Variants in RIMS2 observed in about 807,000 individuals in gnomAD.
RIMS2 encodes the protein regulating synaptic membrane exocytosis 2.
In RIMS2, 59 loss-of-function variants were observed where a neutral mutation model predicts 174.4. That is an observed-to-expected ratio of 0.34 (90% CI 0.27 to 0.42). The LOEUF is 0.42. Among genes scored for constraint, RIMS2 ranks in the 10% least tolerant of loss-of-function variants. RIMS2 has a pLI of 1.00. For missense variants in RIMS2, 1,620 were observed against 1,666.3 expected (o/e 0.97, Z 0.48); for synonymous variants, 606 against 572.5 (o/e 1.06, Z -0.84).
At chr8:103,886,290 T>G in intron 4 of RIMS2, 67 bp downstream of exon 7, 1 of 1,355,692 alleles carries the variant, frequency 7.4e-7, no homozygotes, top group Admixed American at 2.3e-5. Flanking sequence ...TAGATTGCAT[T>G]TCTGAGTGAA....
intron 1 of RIMS2, among the ~76,000 whole-genome samples, chr8:103,532,112 AG>A (rs1255550703): frequency 6.6e-6 from 1 of 152,198 alleles, no homozygotes; most frequent in Non-Finnish European, 1.5e-5. Context: ...TGAAGGAAAT[AG>A]CTTTGTTATG....
chr8:104,157,906 T>G (rs2098734404), intron 19 of RIMS2, among the ~76,000 whole-genome samples: 1 of 152,236 alleles, frequency 6.6e-6, no homozygotes, highest in South Asian at 2.1e-4. Flanking sequence ...ACTGGTTTTC[T>G]AATTATTGTT....
At chr8:104,106,149 G>A (rs561454206) in intron 19 of RIMS2, among the ~76,000 whole-genome samples, 1 of 150,312 alleles carries the variant, frequency 6.7e-6, no homozygotes. Flanking sequence ...ACCCAGACTT[G>A]TCTTGAACTC....
chr8:103,985,338 G>A (rs559882679), intron 16 of RIMS2, among the ~76,000 whole-genome samples: 2 of 151,776 alleles, frequency 1.3e-5, no homozygotes, highest in East Asian at 1.9e-4. Flanking sequence ...GCCGAGCATG[G>A]TGGTGCGCGC....
chr8:103,869,918 G>T (rs1482049486), intron 3 of RIMS2, among the ~76,000 whole-genome samples: 2 of 152,134 alleles, frequency 1.3e-5, no homozygotes, highest in African/African-American at 2.4e-5. Context: ...TAGGGGAGGG[G>T]AATGTTTGGT....
At chr8:103,637,488 A>G (rs1478925634) in intron 1 of RIMS2, among the ~76,000 whole-genome samples, 2 of 152,258 alleles carry the variant, frequency 1.3e-5, no homozygotes, top group East Asian at 1.9e-4. Context: ...CTTGTGAAAG[A>G]TAAGTATTAC....
intron 19 of RIMS2, among the ~76,000 whole-genome samples, chr8:104,138,568 T>A (rs2098540934): frequency 1.3e-5 from 2 of 152,208 alleles, no homozygotes. Context: ...CATTTGTATG[T>A]CTTCTTTTGA....
In RIMS2 at chr8:103,952,590, G is replaced by C. The variant is rs185567992; in HGVS notation, c.2702-8475G>C. 2.0e-3 allele frequency among the ~76,000 whole-genome samples: 304 copies of C among 152,212 alleles called. 1 individual carries two copies. Among genetic ancestry groups the C allele is most frequent in the Non-Finnish European group, 2.1e-3 (146 of 67,996 alleles). On this transcript the variant is annotated intron_variant, in intron 14 of 23. Coordinates refer to ENST00000504942, the Ensembl canonical transcript of RIMS2. ...CATCAACAAAAAGGACGTCCACTCA[G>C]AGACCCCATCTGAAGGTCACTGACT...
At chr8:103,967,251 T>C (rs1289013013) in intron 15 of RIMS2, among the ~76,000 whole-genome samples, 3 of 145,536 alleles carry the variant, frequency 2.1e-5, no homozygotes, top group Non-Finnish European at 4.5e-5. Flanking sequence ...CAGTGCGATC[T>C]TGGCTCACTG....
intron 3 of RIMS2, among the ~76,000 whole-genome samples, chr8:103,842,671 T>C (rs1258126665): frequency 6.6e-6 from 1 of 152,220 alleles, no homozygotes; most frequent in African/African-American, 2.4e-5. Context: ...TAGAATTGCT[T>C]TTCATCATTG....
At chr8:103,594,356 G>A (rs1378543160) in intron 1 of RIMS2, among the ~76,000 whole-genome samples, 1 of 151,596 alleles carries the variant, frequency 6.6e-6, no homozygotes, top group Non-Finnish European at 1.5e-5. Context: ...GAAAATACAT[G>A]TGTTAGTTAA....
At chr8:103,662,716 A>G (rs1367730975) in intron 1 of RIMS2, among the ~76,000 whole-genome samples, 1 of 148,292 alleles carries the variant, frequency 6.7e-6, no homozygotes, top group Non-Finnish European at 1.5e-5. Flanking sequence ...CTATCTATCT[A>G]TCTATAGTCT....
At chr8:103,990,302 G>T (rs1239532749) in intron 17 of RIMS2, among the ~76,000 whole-genome samples, 1 of 151,902 alleles carries the variant, frequency 6.6e-6, no homozygotes, top group East Asian at 1.9e-4. Flanking sequence ...CTTAATTCAT[G>T]CTTAATTTCA....
rs1490830954 is a variant in RIMS2 at position 103,505,164 on chromosome 8, G to A, written c.176+4102G>A. On this transcript the variant is annotated intron_variant, in intron 1 of 23. Coordinates refer to ENST00000504942, the Ensembl canonical transcript of RIMS2. ...CAACCCGCAGCCCCCAAATTTCTTA[G>A]CTACCTATTTCCCCTACCCAGAGCC... Among the ~76,000 whole-genome samples, 7 of 151,780 alleles carry A rather than the reference G, an allele frequency of 4.6e-5. No individual in the cohort carries two copies. The South Asian group carries it at 1.5e-3, about 32-fold the overall frequency.
chr8:103,955,999 C>T (rs2087062935), intron 14 of RIMS2, among the ~76,000 whole-genome samples: 1 of 152,110 alleles, frequency 6.6e-6, no homozygotes, highest in African/African-American at 2.4e-5. Context: ...ATCCCATTCA[C>T]AATTGCTACA....
At position 103,544,053 on chromosome 8, in the gene RIMS2, C is replaced by T. The variant is rs111471447; in HGVS notation, c.176+42991C>T. On this transcript the variant is annotated intron_variant, in intron 1 of 23. Transcript: ENST00000504942. ...AGGCAACCTACAGAGAAGATATTTG[C>T]AGACCATACATCTGATAAGGGGTTA... is the stretch of plus-strand genomic sequence containing the variant. 1.0e-3 allele frequency among the ~76,000 whole-genome samples: 157 copies of T among 149,724 alleles called. 1 individual carries two copies. The highest frequency in any genetic ancestry group is 3.5e-3 in the African/African-American group (141 of 40,240).
intron 2 of RIMS2, among the ~76,000 whole-genome samples, chr8:103,717,138 CTTTTTTTTT>C (rs11373218): frequency 3.5e-5 from 4 of 113,104 alleles, no homozygotes; most frequent in Admixed American, 1.0e-4. Flanking sequence ...ATAGTGCCTT[CTTTTTTTTT>C]TTTTTTTTTT....
At chr8:103,551,788 G>A (rs926444193) in intron 1 of RIMS2, among the ~76,000 whole-genome samples, 7 of 152,128 alleles carry the variant, frequency 4.6e-5, no homozygotes, top group African/African-American at 1.7e-4. Context: ...AAAATCACAA[G>A]CATTCCTATA....
At chr8:103,591,085 C>G (rs988390403) in intron 1 of RIMS2, among the ~76,000 whole-genome samples, 1 of 150,768 alleles carries the variant, frequency 6.6e-6, no homozygotes, top group African/African-American at 2.4e-5. Flanking sequence ...TCTATGTTCA[C>G]TAACATTTTG....
Sources: gnomAD v4.1 joint callset for allele counts (sites outside exome capture counted in the v4.1 genomes callset) on GRCh38, gnomAD v4.1.1 for gene constraint, MANE v1.5 for transcripts, NCBI Gene and HGNC (gene_info 2026-07-23, HGNC 2026-07-21) for gene names.